ORMDL1: variants seen among roughly 807,000 people sequenced by gnomAD.
The protein encoded by ORMDL1 is ORMDL sphingolipid biosynthesis regulator 1.
Under a neutral mutation model 13.0 loss-of-function variants are expected in ORMDL1, and 10 were observed. The observed-to-expected ratio is 0.77, with a 90% confidence interval of 0.47 to 1.30. ORMDL1 has a LOEUF of 1.30. ORMDL1 is among the 50% of genes most tolerant of loss of function. The pLI is 0.00. For synonymous variants in ORMDL1, 61 were observed against 63.9 expected (o/e 0.95, Z 0.22); for missense variants, 171 against 186.7 (o/e 0.92, Z 0.49).
At chr2:189,782,339 C>T in intron 3 of ORMDL1, 83 bp downstream of exon 3, 1 of 1,296,308 alleles carries the variant, frequency 7.7e-7, no homozygotes, top group South Asian at 1.4e-5. Context: ...TAAGCAATAA[C>T]TTTCCATTCC....
rs777820727 is a variant in ORMDL1 at position 189,775,585 on chromosome 2, G to A, written c.306C>T (p.Phe102=). Residue 102 remains phenylalanine, a synonymous_variant, in exon 4 of 5, where the codon TTC becomes TTT. Transcript: ENST00000392349. ...CTTACAGAATTATTGGAGAAATTGT[G>A]AAAAACTTCCGTGAAGATGTAAACT... ...GVQFTSSRKF[F]TISPIILYFL... 3.1e-6 allele frequency: 5 copies of A among 1,601,870 alleles called. No individual in the cohort carries two copies. The highest frequency in any genetic ancestry group is 4.3e-6 in the Non-Finnish European group (5 of 1,174,736).
chr2:189,770,338 G>A lies in ORMDL1; in HGVS notation c.*1429C>T, dbSNP rs866641822. ...GCTTTTGAAATAATATTACACCAAC[G>A]AAAAATTTTATTAAATTATAGATCA... On this transcript the variant is annotated 3_prime_UTR_variant, in exon 5 of 5. Transcript: ENST00000392349. 1.4e-4 allele frequency: 22 copies of A among 151,956 alleles called. No individual in the cohort carries two copies. Among genetic ancestry groups the A allele is most frequent in the African/African-American group, 5.1e-4 (21 of 41,372 alleles). The allele number at this position is 151,956 out of a possible 1,614,324, so 9.4% of individuals were successfully genotyped here. A position where few individuals can be genotyped will look rare whatever the true frequency, so the allele number is the denominator to read the frequency against.
rs560955751 is a variant in ORMDL1 at position 189,776,085 on chromosome 2, G to A, written c.175-369C>T. ...CAATGTACAGGAGGTTTTTCTTCAG[G>A]GTATATTAGTAAATTTGATGATACT... On this transcript the variant is annotated intron_variant, in intron 3 of 4. Transcript: ENST00000392349. Among the ~76,000 whole-genome samples the A allele has an allele frequency of 2.6e-5, 4 of 151,778 alleles. No homozygotes were observed. In the South Asian group the frequency reaches 6.2e-4, roughly 24 times the overall value.
chr2:189,781,761 C>G (rs1323273469), intron 3 of ORMDL1, among the ~76,000 whole-genome samples: 1 of 151,980 alleles, frequency 6.6e-6, no homozygotes, highest in Admixed American at 6.6e-5. Flanking sequence ...TAGAATTCTT[C>G]AAAATTAAGT....
chr2:189,776,352 A>G (rs926747731), intron 3 of ORMDL1, among the ~76,000 whole-genome samples: 2 of 152,172 alleles, frequency 1.3e-5, no homozygotes, highest in East Asian at 3.9e-4. Context: ...AGCAAATAAC[A>G]TTACTAAAAG....
At chr2:189,774,198 C>T (rs2047643674) in intron 4 of ORMDL1, among the ~76,000 whole-genome samples, 1 of 152,262 alleles carries the variant, frequency 6.6e-6, no homozygotes, top group Non-Finnish European at 1.5e-5. Flanking sequence ...TGCTCTGTTG[C>T]CCAGACTGGA....
chr2:189,782,626 C>T (rs1038438050), intron 2 of ORMDL1, 24 bp from the exon 3 acceptor site: 11 of 1,599,442 alleles, frequency 6.9e-6, no homozygotes, highest in Non-Finnish European at 9.4e-6. Flanking sequence ...TGAAATGAAT[C>T]AACACTGATA....
chr2:189,774,500 T>C (rs764044037), intron 4 of ORMDL1, among the ~76,000 whole-genome samples: 2 of 152,204 alleles, frequency 1.3e-5, no homozygotes, highest in Non-Finnish European at 2.9e-5. Flanking sequence ...AACATAAGGA[T>C]TTCCAACACC....
chr2:189,763,906 T>C, the ORMDL1 span: 2 of 152,222 alleles, frequency 1.3e-5, no homozygotes, highest in African/African-American at 2.4e-5. Context: ...AAAAATTTCA[T>C]TTATGTGTAA....
intron 3 of ORMDL1, among the ~76,000 whole-genome samples, chr2:189,780,896 C>A (rs2047810306): frequency 6.6e-6 from 1 of 152,186 alleles, no homozygotes; most frequent in South Asian, 2.1e-4. Flanking sequence ...TTCAAATATA[C>A]TCCAGAAGAT....
chr2:189,775,584 T>TG lies in ORMDL1; in HGVS notation c.306dup (p.Thr103HisfsTer18). Reference sequence around the variant, plus strand: ...ACTTACAGAATTATTGGAGAAATTGTGAAAAACTTCCGTGAAGATGTAAAC... The same window carrying TG: ...ACTTACAGAATTATTGGAGAAATTGTGGAAAAACTTCCGTGAAGATGTAAAC... On this transcript the variant is annotated frameshift_variant, in exon 4 of 5. Coordinates refer to ENST00000392349, the MANE Select transcript of ORMDL1 (RefSeq NM_016467.5). LOFTEE classifies it high-confidence loss of function. 4 of 1,601,382 alleles carry TG rather than the reference T, an allele frequency of 2.5e-6. No homozygotes were observed. Among genetic ancestry groups the TG allele is most frequent in the South Asian group, 1.1e-5 (1 of 88,446 alleles).
chr2:189,783,394 G>C (rs769088523), intron 1 of ORMDL1: 2 of 152,162 alleles, frequency 1.3e-5, no homozygotes, highest in Non-Finnish European at 2.9e-5. Context: ...AAACTGTCCT[G>C]AAGAACACCT....
At chr2:189,784,096 G>A (rs906160987) in intron 1 of ORMDL1, 173 bp downstream of exon 1, 4 of 152,262 alleles carry the variant, frequency 2.6e-5, no homozygotes, top group South Asian at 2.1e-4. Context: ...GCAAGACAAC[G>A]AGGATTTGCG....
At chr2:189,769,967 T>G (rs977271877), downstream of ORMDL1, among the ~76,000 whole-genome samples, 3 of 152,194 alleles carry the variant, frequency 2.0e-5, no homozygotes, top group African/African-American at 7.2e-5. Flanking sequence ...ATAGTCATTT[T>G]TAGATTTTGT....
chr2:189,779,235 T>C (rs2047768083), intron 3 of ORMDL1, among the ~76,000 whole-genome samples: 1 of 152,018 alleles, frequency 6.6e-6, no homozygotes. Flanking sequence ...CCAGCACTTT[T>C]GGAGGATGGT....
At chr2:189,778,909 T>G (rs2047759644) in intron 3 of ORMDL1, among the ~76,000 whole-genome samples, 1 of 150,388 alleles carries the variant, frequency 6.6e-6, no homozygotes, top group Non-Finnish European at 1.5e-5. Context: ...AAAATAAAAG[T>G]AGACCCTGAG....
rs755777448 is a variant in ORMDL1 at position 189,771,891 on chromosome 2, G to A, written c.338C>T (p.Ala113Val). The A allele has an allele frequency of 4.4e-6, 7 of 1,589,966 alleles. No individual in the cohort carries two copies. Among genetic ancestry groups the A allele is most frequent in the Middle Eastern group, 1.7e-4 (1 of 5,990 alleles). Residue 113 changes from alanine to valine, a missense_variant, in exon 5 of 5, where the codon GCA becomes GTA. Ala to Val is a moderately conservative substitution (Grantham distance 64, BLOSUM62 0). Transcript: ENST00000392349. ...TGGATCATACTTCGTATAGAAACTTGCCAGAAAATATCTGTAGAGATAAAA... is the reference window on the plus strand; with the variant it reads ...TGGATCATACTTCGTATAGAAACTTACCAGAAAATATCTGTAGAGATAAAA... ...TISPIILYFL[A>V]SFYTKYDPTH...
chr2:189,772,528 A>T (rs2106141076), intron 4 of ORMDL1, among the ~76,000 whole-genome samples: 1 of 152,276 alleles, frequency 6.6e-6, no homozygotes, highest in African/African-American at 2.4e-5. Context: ...TCCAACTGAG[A>T]ATTTGTTTTA....
chr2:189,779,674 A>C (rs2047780174), intron 3 of ORMDL1, among the ~76,000 whole-genome samples: 1 of 152,202 alleles, frequency 6.6e-6, no homozygotes, highest in Middle Eastern at 3.2e-3. Flanking sequence ...GCAAACATGC[A>C]TTTTTAAAAC....
Sources: gnomAD v4.1 joint callset for allele counts (sites outside exome capture counted in the v4.1 genomes callset) on GRCh38, gnomAD v4.1.1 for gene constraint, MANE v1.5 for transcripts, NCBI Gene and HGNC (gene_info 2026-07-23, HGNC 2026-07-21) for gene names.